ITGA4: variants seen among roughly 807,000 people sequenced by gnomAD.
ITGA4 encodes the protein integrin subunit alpha 4, also known as integrin alpha-4.
A neutral mutation model predicts 133.6 loss-of-function variants in ITGA4; 63 were observed. The ratio of observed to expected loss-of-function variants is 0.47; its 90% CI spans 0.38 to 0.58. ITGA4 has a LOEUF of 0.58. Ranked by LOEUF, ITGA4 falls within the 20% of genes least tolerant of loss-of-function variation. The pLI is 0.00. For synonymous variants in ITGA4, 483 were observed against 438.0 expected, an observed-to-expected ratio of 1.10 and a Z score of -1.28; for missense variants, 1,076 against 1,252.7, an observed-to-expected ratio of 0.86 and a Z score of 2.13.
At chr2:181,521,136 T>TG (rs977685221) in intron 17 of ITGA4, among the ~76,000 whole-genome samples, 16 of 152,154 alleles carry the variant, frequency 1.1e-4, no homozygotes, top group African/African-American at 3.4e-4. Context: ...TATTTTGCTT[T>TG]GGGTAAATGC....
intron 22 of ITGA4, among the ~76,000 whole-genome samples, chr2:181,528,922 A>C (rs1424996991): frequency 6.6e-6 from 1 of 152,162 alleles, no homozygotes; most frequent in East Asian, 1.9e-4. Context: ...TATTGTTAAA[A>C]ACCTTTTGTG....
rs1686768232 is a variant in ITGA4 at position 181,523,621 on chromosome 2, TAA to T, written c.2169+91_2169+92del. 9 of 703,632 alleles carry T rather than the reference TAA, an allele frequency of 1.3e-5. No homozygotes were observed. The highest frequency in any genetic ancestry group is 2.2e-5 in the Non-Finnish European group (9 of 408,910). 43.6% of individuals were successfully genotyped at this position (703,632 alleles called of 1,614,324 possible). ...TCTTTAGGTTGCATAGAAAATATTA[TAA>T]ATATTTTAGCTTGGGGTAGGTAGCT... On this transcript the variant is annotated intron_variant, in intron 19 of 27. Transcript: ENST00000397033. This position sits in a 1 kb window ranked among gnomAD's most constrained non-coding sequence, Gnocchi z 4.2.
rs2105745524 is a variant in ITGA4, at chr2:181,495,733, A to G, written c.1386-50A>G. On this transcript the variant is annotated intron_variant, in intron 13 of 27. Transcript: ENST00000397033. This position sits in a 1 kb window ranked among gnomAD's most constrained non-coding sequence, Gnocchi z 4.3. ...AAAAAACAAACGCATTTCTCTCCTT[A>G]AGGAAAAATAATTCTGCAATTAACA... 6.5e-7 allele frequency: 1 copy of G among 1,532,030 alleles called. No individual in the cohort carries two copies. Among genetic ancestry groups the G allele is most frequent in the South Asian group, 1.2e-5 (1 of 84,456 alleles). The allele number at this position is 1,532,030 out of a possible 1,614,324, so 94.9% of individuals were successfully genotyped here. A position where few individuals can be genotyped will look rare whatever the true frequency, so the allele number is the denominator to read the frequency against.
chr2:181,500,431 C>T (rs1270567905), intron 15 of ITGA4, among the ~76,000 whole-genome samples: 1 of 152,118 alleles, frequency 6.6e-6, no homozygotes, highest in Non-Finnish European at 1.5e-5. Context: ...CATTAGGAAA[C>T]ATTAACACTC....
intron 22 of ITGA4, 97 bp from the exon 23 acceptor site, chr2:181,529,444 G>T (rs1195704076): frequency 7.4e-6 from 4 of 539,434 alleles, no homozygotes; most frequent in Middle Eastern, 4.1e-4. Flanking sequence ...TATAAATGTT[G>T]CATGGAATAT....
intron 22 of ITGA4, among the ~76,000 whole-genome samples, chr2:181,528,248 G>T (rs1259966903): frequency 1.3e-5 from 2 of 152,146 alleles, no homozygotes; most frequent in Non-Finnish European, 2.9e-5. Context: ...TTGATTCTAT[G>T]TATACTCCAA....
intron 2 of ITGA4, among the ~76,000 whole-genome samples, chr2:181,468,067 A>T (rs958888052): frequency 6.6e-6 from 1 of 152,172 alleles, no homozygotes; most frequent in Admixed American, 6.5e-5. Context: ...TAACATTTGC[A>T]TGTTTTCGCT....
chr2:181,501,076 T>C (rs763539507), intron 15 of ITGA4, among the ~76,000 whole-genome samples: 1 of 152,114 alleles, frequency 6.6e-6, no homozygotes, highest in African/African-American at 2.4e-5. Context: ...CCCATGTAGA[T>C]ATCTAGGGCA....
chr2:181,523,114 AT>A lies in ITGA4; in HGVS notation c.2074-313del, dbSNP rs553575025. ...GATAAATGAAAGCTACAAGTCCAGA[AT>A]TTTTTTTTTGTGGAGAATCTGTTTG... On this transcript the variant is annotated intron_variant, in intron 18 of 27. Coordinates refer to ENST00000397033, the MANE Select transcript of ITGA4 (RefSeq NM_000885.6). This position sits in a 1 kb window ranked among gnomAD's most constrained non-coding sequence, Gnocchi z 4.2. Among the ~76,000 whole-genome samples the A allele has an allele frequency of 3.5e-3, 527 of 149,460 alleles. 1 individual carries two copies. Among genetic ancestry groups the A allele is most frequent in the Non-Finnish European group, 5.5e-3 (372 of 67,072 alleles).
At chr2:181,459,568 T>G (rs1437577164) in intron 2 of ITGA4, among the ~76,000 whole-genome samples, 1 of 152,244 alleles carries the variant, frequency 6.6e-6, no homozygotes, top group East Asian at 1.9e-4. Context: ...TATAAAAGTC[T>G]ACGAGTTGTC....
chr2:181,519,020 G>A (rs975901905), intron 17 of ITGA4, among the ~76,000 whole-genome samples: 7 of 151,914 alleles, frequency 4.6e-5, no homozygotes, highest in African/African-American at 1.7e-4. Flanking sequence ...ACGTGTGTAT[G>A]TTGACCAAAA....
chr2:181,471,667 A>T (rs1290792906), intron 2 of ITGA4, among the ~76,000 whole-genome samples: 1 of 152,182 alleles, frequency 6.6e-6, no homozygotes, highest in Non-Finnish European at 1.5e-5. Context: ...ATGAGATTAC[A>T]TCTAGTGGCA....
intron 16 of ITGA4, 173 bp downstream of exon 16, chr2:181,509,980 T>C: frequency 2.0e-6 from 1 of 510,508 alleles, no homozygotes; most frequent in Non-Finnish European, 3.5e-6. Context: ...CTTTAGGATA[T>C]TGAACTGAAT....
intron 25 of ITGA4, among the ~76,000 whole-genome samples, chr2:181,532,120 C>A (rs958271104): frequency 1.1e-4 from 16 of 152,154 alleles, no homozygotes; most frequent in Non-Finnish European, 2.1e-4. Context: ...TTTCTGAGGT[C>A]TCTGTTCTGT....
intron 22 of ITGA4, among the ~76,000 whole-genome samples, chr2:181,528,114 T>C (rs954479877): frequency 5.3e-5 from 8 of 152,210 alleles, no homozygotes; most frequent in African/African-American, 1.4e-4. Context: ...TTGGATTAGG[T>C]ATAATATTTT....
intron 15 of ITGA4, among the ~76,000 whole-genome samples, chr2:181,501,529 G>A (rs1188206907): frequency 6.6e-6 from 1 of 152,148 alleles, no homozygotes; most frequent in Non-Finnish European, 1.5e-5. Context: ...ATCAAGATTC[G>A]ACACATGGAG....
At chr2:181,479,934 T>G (rs1685766306) in intron 5 of ITGA4, among the ~76,000 whole-genome samples, 1 of 151,962 alleles carries the variant, frequency 6.6e-6, no homozygotes, top group African/African-American at 2.4e-5. Context: ...TCAGAGTTTC[T>G]TCTCTGAGAT....
At position 181,529,606 on chromosome 2, in the gene ITGA4, T is replaced by A; in HGVS notation, c.2496T>A (p.Phe832Leu). Residue 832 changes from phenylalanine to leucine, a missense_variant, in exon 23 of 28, where the codon TTT (phenylalanine) becomes TTA (leucine). Physicochemically the swap from Phe to Leu is conservative, Grantham distance 22 (BLOSUM62 0). Coordinates refer to ENST00000397033, the MANE Select transcript of ITGA4 (RefSeq NM_000885.6). ...TGGAAATAATGGTACCAAATTCTTTTAGCCCCCAAACTGATAAGCTGTTCA... is the reference window on the plus strand; with the variant it reads ...TGGAAATAATGGTACCAAATTCTTTAAGCCCCCAAACTGATAAGCTGTTCA... ...VSVEIMVPNS[F>L]SPQTDKLFNI... 6.2e-7 allele frequency: 1 copy of A among 1,608,210 alleles called. No homozygotes were observed. The highest frequency in any genetic ancestry group is 1.3e-5 in the African/African-American group (1 of 74,946).
chr2:181,537,669 A>ATTATCTAGGTTAAATAT lies in ITGA4; in HGVS notation c.*2144_*2160dup, dbSNP rs1239359464. 3 of 433,920 alleles carry ATTATCTAGGTTAAATAT rather than the reference A, an allele frequency of 6.9e-6. No homozygotes were observed. Among genetic ancestry groups the ATTATCTAGGTTAAATAT allele is most frequent in the Non-Finnish European group, 1.4e-5 (3 of 219,970 alleles). 26.9% of individuals were successfully genotyped at this position (433,920 alleles called of 1,614,324 possible). A position where few individuals can be genotyped will look rare whatever the true frequency, so the allele number is the denominator to read the frequency against. ...ATGAAAGAATCCAAATTATTTCAGA[A>ATTATCTAGGTTAAATAT]TTATCTAGGTTAAATATTGATGTAT... On this transcript the variant is annotated 3_prime_UTR_variant, in exon 28 of 28. Coordinates refer to ENST00000397033, the MANE Select transcript of ITGA4 (RefSeq NM_000885.6).
Sources: allele counts gnomAD v4.1 joint callset (sites outside exome capture counted in the v4.1 genomes callset), GRCh38; gene constraint gnomAD v4.1.1; non-coding constraint Gnocchi (gnomAD v3.1); transcripts MANE v1.5; gene names NCBI Gene and HGNC (gene_info 2026-07-23, HGNC 2026-07-21).